The following SPACA6 variants were observed in gnomAD, a reference collection of about 807,000 sequenced individuals.
SPACA6 encodes sperm acrosome membrane-associated protein 6.
For synonymous variants in SPACA6, 6 were observed against 1.5 expected, an observed-to-expected ratio of 4.05 and a Z score of -2.21; for missense variants, 8 against 2.8, an observed-to-expected ratio of 2.88 and a Z score of -1.34.
chr19:51,708,048 G>T (rs567297182), downstream of SPACA6, among the ~76,000 whole-genome samples: 3 of 152,216 alleles, frequency 2.0e-5, no homozygotes, highest in Admixed American at 6.5e-5. Flanking sequence ...GATTGCTTAT[G>T]AACTTAGTCT....
downstream of SPACA6, among the ~76,000 whole-genome samples, chr19:51,710,053 TTAGG>T (rs1203265237): frequency 6.6e-6 from 1 of 152,162 alleles, no homozygotes; most frequent in Non-Finnish European, 1.5e-5. Context: ...ATCCATAATC[TTAGG>T]TAGCTCTTCA....
At chr19:51,693,112 G>A (rs1209175887), upstream of SPACA6, 5 of 377,068 alleles carry the variant, frequency 1.3e-5, no homozygotes, top group African/African-American at 1.1e-4. Flanking sequence ...TGGCTTTCTA[G>A]GTCTCTGCCC....
chr19:51,698,683 A>G (rs2083447247), intron 2 of SPACA6, among the ~76,000 whole-genome samples: 1 of 152,166 alleles, frequency 6.6e-6, no homozygotes, highest in Non-Finnish European at 1.5e-5. Context: ...TCCAGTGATC[A>G]TTGTTTTAGG....
At chr19:51,697,962 C>CA (rs1243761067) in intron 2 of SPACA6, among the ~76,000 whole-genome samples, 3 of 152,154 alleles carry the variant, frequency 2.0e-5, no homozygotes, top group African/African-American at 7.2e-5. Flanking sequence ...CTCTAACACT[C>CA]ACTACGTGCT....
downstream of SPACA6, chr19:51,712,988 C>A (rs2083550107): frequency 6.2e-6 from 1 of 162,318 alleles, no homozygotes; most frequent in Non-Finnish European, 1.3e-5. Flanking sequence ...AAGAGGGAAC[C>A]CCAGGTTCCA....
intron 8 of SPACA6, 47 bp from the exon 9 acceptor site, chr19:51,705,043 T>A (rs369883396): frequency 5.2e-5 from 21 of 401,166 alleles, no homozygotes; most frequent in African/African-American, 4.3e-4. Flanking sequence ...CCTAAGTTTC[T>A]AGTCACCAAC....
upstream of SPACA6, among the ~76,000 whole-genome samples, chr19:51,689,771 G>C (rs938132770): frequency 2.6e-5 from 4 of 151,938 alleles, no homozygotes; most frequent in African/African-American, 9.6e-5. Flanking sequence ...CCGGGGTCCA[G>C]AATCTGGAGA....
chr19:51,693,525 C>G lies in SPACA6; in HGVS notation c.-2C>G, dbSNP rs961022804. The stretch of plus-strand genomic sequence containing the variant: ...TTCTCCCCTGGCCTTGAGACCCACA[C>G]GATGGCCCTGCTGGCTCTGGCCAGT... On this transcript the variant is annotated 5_prime_UTR_variant, in exon 1 of 9. Coordinates refer to ENST00000637797, the MANE Select transcript of SPACA6 (RefSeq NM_001316972.2). The G allele has an allele frequency of 1.0e-5, 5 of 486,542 alleles. No individual in the cohort carries two copies. Among genetic ancestry groups the G allele is most frequent in the Non-Finnish European group, 1.9e-5 (5 of 264,944 alleles). The allele number at this position is 486,542 out of a possible 1,614,324, so 30.1% of individuals were successfully genotyped here. A position where few individuals can be genotyped will look rare whatever the true frequency, so the allele number is the denominator to read the frequency against.
downstream of SPACA6, among the ~76,000 whole-genome samples, chr19:51,709,048 A>C (rs577150070): frequency 6.6e-6 from 1 of 151,982 alleles, no homozygotes; most frequent in African/African-American, 2.4e-5. Context: ...GGCTGCTATA[A>C]AGTCTAGACT....
At position 51,703,600 on chromosome 19, in the gene SPACA6, C is replaced by T. The variant is rs1261174940; in HGVS notation, c.573+263C>T. On this transcript the variant is annotated intron_variant, in intron 6 of 8. Coordinates refer to ENST00000637797, the MANE Select transcript of SPACA6 (RefSeq NM_001316972.2). This position sits in a 1 kb window ranked among gnomAD's most constrained non-coding sequence, Gnocchi z 4.2. ...TGGCTTGAGCCCAGGAGTTTGAGAC[C>T]GGCCTCGGCAACAAATTAAGACCCC... is the stretch of plus-strand genomic sequence containing the variant. Among the ~76,000 whole-genome samples the T allele has an allele frequency of 2.0e-5, 3 of 152,096 alleles. No homozygotes were observed. The highest frequency in any genetic ancestry group is 2.1e-4 in the South Asian group (1 of 4,824).
At position 51,701,153 on chromosome 19, in the gene SPACA6, C is replaced by A. The variant is rs1039920176; in HGVS notation, c.293-505C>A. Among the ~76,000 whole-genome samples the A allele has an allele frequency of 4.7e-4, 72 of 152,066 alleles. 1 individual carries two copies. Among genetic ancestry groups the A allele is most frequent in the African/African-American group, 1.5e-3 (63 of 41,474 alleles). ...AGGAGAATCACTTGAACCCAGGAGG[C>A]GGAGGTTGCGGTGAGCCGAGATCGC... On this transcript the variant is annotated intron_variant, in intron 2 of 8. Coordinates refer to ENST00000637797, the MANE Select transcript of SPACA6 (RefSeq NM_001316972.2).
chr19:51,682,778 A>G, the SPACA6 span, among the ~76,000 whole-genome samples: 1 of 152,216 alleles, frequency 6.6e-6, no homozygotes. Flanking sequence ...ACAGTGTATC[A>G]TGCCTGTAAT....
intron 2 of SPACA6, among the ~76,000 whole-genome samples, chr19:51,696,343 G>A (rs1484697505): frequency 3.3e-5 from 5 of 152,178 alleles, no homozygotes; most frequent in Non-Finnish European, 7.3e-5. Context: ...GGAGTCTGGG[G>A]AGATAGACAA....
chr19:51,704,414 C>T lies in SPACA6; in HGVS notation c.875C>T (p.Pro292Leu), dbSNP rs950026446. The T allele has an allele frequency of 1.0e-5, 4 of 401,092 alleles. No homozygotes were observed. Among genetic ancestry groups the T allele is most frequent in the African/African-American group, 8.2e-5 (4 of 48,706 alleles). 24.8% of individuals were successfully genotyped at this position (401,092 alleles called of 1,614,324 possible). Reference sequence around the variant, plus strand: ...CTGGCCAGGCCCGAGGCTCTGACGCCCAGCAATCTGTTCCTGCTTGCAGTC... The same window carrying T: ...CTGGCCAGGCCCGAGGCTCTGACGCTCAGCAATCTGTTCCTGCTTGCAGTC... ...ELLARPEALT[P>L]SNLFLLAVLG... Residue 292 changes from proline to leucine, a missense_variant, in exon 8 of 9, where the codon CCC becomes CTC. Physicochemically the swap from Pro to Leu is moderately conservative, Grantham distance 98. Coordinates refer to ENST00000637797, the MANE Select transcript of SPACA6 (RefSeq NM_001316972.2).
chr19:51,690,171 C>G (rs73566773), upstream of SPACA6, among the ~76,000 whole-genome samples: 7,160 of 151,804 alleles, frequency 0.047, 569 homozygotes, highest in African/African-American at 0.16. Context: ...TCCCTCAGAT[C>G]TGGGAGTACA....
In SPACA6 at chr19:51,703,723, A is replaced by G. The variant is rs1378724426; in HGVS notation, c.574-307A>G. ...CTGAGCGGGAAGACTGCTTAAGTCCAGGAGTTTGAGGCTGCAGTGAGCTAT... is the reference window on the plus strand; with the variant it reads ...CTGAGCGGGAAGACTGCTTAAGTCCGGGAGTTTGAGGCTGCAGTGAGCTAT... On this transcript the variant is annotated intron_variant, in intron 6 of 8. Transcript: ENST00000637797. This position sits in a 1 kb window ranked among gnomAD's most constrained non-coding sequence, Gnocchi z 4.2. 1.3e-5 allele frequency among the ~76,000 whole-genome samples: 2 copies of G among 152,252 alleles called. No individual in the cohort carries two copies. The highest frequency in any genetic ancestry group is 3.9e-4 in the East Asian group (2 of 5,178).
At chr19:51,691,182 A>G (rs1600131032), upstream of SPACA6, among the ~76,000 whole-genome samples, 1 of 127,128 alleles carries the variant, frequency 7.9e-6, no homozygotes, top group Admixed American at 7.8e-5. Flanking sequence ...TGCGAGGGGG[A>G]GGGAGAGAGG....
Position 51,694,286 on chromosome 19 carries a change from C to T in SPACA6, c.215-192C>T, listed in dbSNP as rs150805235. 22 of 279,986 alleles carry T rather than the reference C, an allele frequency of 7.9e-5. No individual in the cohort carries two copies. The Admixed American group carries it at 8.8e-4, about 11-fold the overall frequency. The allele number at this position is 279,986 out of a possible 1,614,324, so 17.3% of individuals were successfully genotyped here. ...TAGGGGAAGCAGGATAGCGACTGGT[C>T]GGGGGCAGAGACTCAGGGAGGATAG... On this transcript the variant is annotated intron_variant, in intron 1 of 8. Coordinates refer to ENST00000637797, the MANE Select transcript of SPACA6 (RefSeq NM_001316972.2).
chr19:51,693,761 T>C (rs1568615413), intron 1 of SPACA6, 21 bp downstream of exon 1: 1 of 405,958 alleles, frequency 2.5e-6, no homozygotes, highest in African/African-American at 2.0e-5. Flanking sequence ...CATCCACACT[T>C]CATCAGTGTC....
Sources: gnomAD v4.1 joint callset for allele counts (sites outside exome capture counted in the v4.1 genomes callset) on GRCh38, gnomAD v4.1.1 for gene constraint, Gnocchi (gnomAD v3.1) non-coding constraint, MANE v1.5 for transcripts, NCBI Gene and HGNC (gene_info 2026-07-23, HGNC 2026-07-21) for gene names.